Variants in STON2 observed in about 807,000 individuals in gnomAD.
The protein encoded by STON2 is stonin 2, also known as stonin-2.
In STON2, 29 loss-of-function variants were observed where a neutral mutation model predicts 65.7. The observed-to-expected ratio is 0.44, with a 90% CI of 0.33 to 0.60. The LOEUF (loss-of-function observed/expected upper bound fraction) is 0.60, where lower values mean the gene tolerates loss of function less well. Ranked by LOEUF, STON2 falls within the 20% of genes least tolerant of loss-of-function variation. STON2 has a pLI of 0.03. For synonymous variants in STON2, 404 were observed against 414.2 expected (o/e 0.98, Z 0.30); for missense variants, 1,054 against 1,118.1 (o/e 0.94, Z 0.82).
At chr14:81,423,731 G>A (rs375275549) in intron 2 of STON2, among the ~76,000 whole-genome samples, 1 of 152,152 alleles carries the variant, frequency 6.6e-6, no homozygotes, top group East Asian at 1.9e-4. Flanking sequence ...CAGCTGCACA[G>A]GGGCCCCTGG....
At chr14:81,356,084 C>A (rs1353740372) in intron 4 of STON2, among the ~76,000 whole-genome samples, 1 of 152,164 alleles carries the variant, frequency 6.6e-6, no homozygotes, top group Non-Finnish European at 1.5e-5. Flanking sequence ...CTGTCTTGTG[C>A]CAGTTTTCAA....
At chr14:81,413,017 G>C in intron 2 of STON2, 2 of 1,082,008 alleles carry the variant, frequency 1.8e-6, no homozygotes, top group Non-Finnish European at 2.7e-6. Flanking sequence ...TGTCGGAAGA[G>C]ACGCAGCAGA....
At position 81,266,704 on chromosome 14, in the gene STON2, T is replaced by C. The variant is rs919567856; in HGVS notation, c.*1710A>G. The C allele has an allele frequency of 6.1e-6, 6 of 985,254 alleles. No individual in the cohort carries two copies. Among genetic ancestry groups the C allele is most frequent in the Non-Finnish European group, 7.2e-6 (6 of 829,882 alleles). The allele number at this position is 985,254 out of a possible 1,614,324, so 61.0% of individuals were successfully genotyped here. On this transcript the variant is annotated 3_prime_UTR_variant, in exon 8 of 8. Coordinates refer to ENST00000614646, the MANE Select transcript of STON2 (RefSeq NM_001394390.1). The stretch of plus-strand genomic sequence containing the variant: ...ACTACATTAGCTTTGTGAATAGCCA[T>C]GATATATTTCTGATTCAACATTGAA...
At chr14:81,297,004 A>G (rs1015469136) in intron 5 of STON2, among the ~76,000 whole-genome samples, 4 of 152,210 alleles carry the variant, frequency 2.6e-5, no homozygotes, top group African/African-American at 9.6e-5. Context: ...GTTTTTCTTT[A>G]AAGTATTTAA....
At chr14:81,272,861 T>C (rs1439511899) in intron 6 of STON2, among the ~76,000 whole-genome samples, 1 of 152,224 alleles carries the variant, frequency 6.6e-6, no homozygotes, top group African/African-American at 2.4e-5. Context: ...TTAATAACCC[T>C]ATTTTATAGA....
At chr14:81,434,165 AG>A (rs1309997891) in intron 1 of STON2, among the ~76,000 whole-genome samples, 2 of 152,262 alleles carry the variant, frequency 1.3e-5, no homozygotes, top group Non-Finnish European at 2.9e-5. Context: ...ACAACTTCTA[AG>A]AAAAAATAAT....
chr14:81,280,707 G>A (rs550086832), intron 5 of STON2, among the ~76,000 whole-genome samples: 45 of 152,200 alleles, frequency 3.0e-4, no homozygotes, highest in African/African-American at 1.1e-3. Flanking sequence ...AAATGAAAAC[G>A]TAAGTTTGAA....
chr14:81,377,613 C>T (rs1431745051), intron 3 of STON2, among the ~76,000 whole-genome samples: 1 of 152,154 alleles, frequency 6.6e-6, no homozygotes, highest in Non-Finnish European at 1.5e-5. Context: ...GTGGTTGTAC[C>T]ATTTTATATT....
chr14:81,327,822 A>C (rs1290194952), intron 4 of STON2, among the ~76,000 whole-genome samples: 2 of 152,206 alleles, frequency 1.3e-5, no homozygotes, highest in Admixed American at 1.3e-4. Flanking sequence ...ATAATTACTC[A>C]GATTTCTGTA....
chr14:81,319,815 C>T (rs1896757667), intron 5 of STON2, among the ~76,000 whole-genome samples: 1 of 152,130 alleles, frequency 6.6e-6, no homozygotes, highest in African/African-American at 2.4e-5. Context: ...ATTGAGGACC[C>T]ACCACCCCCA....
At position 81,261,701 on chromosome 14, in the gene STON2, G is replaced by A. The variant is rs1894151761; in HGVS notation, c.*6713C>T. 8 of 1,287,218 alleles carry A rather than the reference G, an allele frequency of 6.2e-6. No homozygotes were observed. In the South Asian group the frequency reaches 1.2e-4, roughly 20 times the overall value. The allele number at this position is 1,287,218 out of a possible 1,614,324, so 79.7% of individuals were successfully genotyped here. On this transcript the variant is annotated 3_prime_UTR_variant, in exon 8 of 8. Coordinates refer to ENST00000614646, the MANE Select transcript of STON2 (RefSeq NM_001394390.1). The stretch of plus-strand genomic sequence containing the variant: ...GATTATCCTATCATCCCCAGTACTT[G>A]GAGGGTTAGACCTACTTCTGTGTCA...
chr14:81,279,800 T>C (rs1227600090), intron 5 of STON2, among the ~76,000 whole-genome samples: 1 of 152,192 alleles, frequency 6.6e-6, no homozygotes, highest in South Asian at 2.1e-4. Context: ...TTAGTGAAAC[T>C]AAGTTGCAAC....
rs570834766 is a variant in STON2 at position 81,409,844 on chromosome 14, A to G, written c.-198-11264T>C. On this transcript the variant is annotated intron_variant, in intron 2 of 8. Transcript: ENST00000553821. ...CATCATCCTGGTTTAAGCCAATCAC[A>G]ATAATTCCTATTCCTGCTTTCCTAT... 3.9e-5 allele frequency among the ~76,000 whole-genome samples: 6 copies of G among 152,364 alleles called. No individual in the cohort carries two copies. In the South Asian group the frequency reaches 1.2e-3, roughly 32 times the overall value.
chr14:81,417,480 T>C (rs1901493750), intron 2 of STON2, among the ~76,000 whole-genome samples: 1 of 152,160 alleles, frequency 6.6e-6, no homozygotes. Flanking sequence ...TGATAGGAAA[T>C]AACAATTAAG....
chr14:81,283,894 ACAG>A (rs775771627), intron 5 of STON2, among the ~76,000 whole-genome samples: 43 of 152,282 alleles, frequency 2.8e-4, no homozygotes, highest in Middle Eastern at 3.4e-3. Context: ...CATCTTTACA[ACAG>A]CACGTGCTCA....
At chr14:81,340,544 A>G (rs1897567823) in intron 4 of STON2, among the ~76,000 whole-genome samples, 1 of 152,126 alleles carries the variant, frequency 6.6e-6, no homozygotes. Context: ...ATGTCTTGTG[A>G]GTATTTGTGT....
chr14:81,382,570 G>A (rs1050390821), intron 3 of STON2, among the ~76,000 whole-genome samples: 7 of 152,180 alleles, frequency 4.6e-5, no homozygotes, highest in African/African-American at 1.7e-4. Context: ...ATGTGATGAG[G>A]GAGGAGGGTG....
chr14:81,269,519 T>G, intron 7 of STON2: 1 of 985,394 alleles, frequency 1.0e-6, no homozygotes. Flanking sequence ...TCAGCACCAC[T>G]CTGGATATTT....
rs1200057351 is a variant in STON2, at chr14:81,395,910, C to T, written c.357G>A (p.Gln119=). The T allele has an allele frequency of 6.2e-7, 1 of 1,614,094 alleles. No individual in the cohort carries two copies. Among genetic ancestry groups the T allele is most frequent in the Admixed American group, 1.7e-5 (1 of 60,022 alleles). Residue 119 remains glutamine (Q), a synonymous_variant, in exon 3 of 8, where the codon CAG becomes CAA. Coordinates refer to ENST00000614646, the MANE Select transcript of STON2 (RefSeq NM_001394390.1). ...TPWASTSPPH[Q]ETAETALPLT... The stretch of plus-strand genomic sequence containing the variant: ...CCTCCTCACCTGTCTCAGCTGTTTC[C>T]TGATGAGGTGGAGATGTGCTGGCCC...
Sources: gnomAD v4.1 joint callset for allele counts (sites outside exome capture counted in the v4.1 genomes callset) on GRCh38, gnomAD v4.1.1 for gene constraint, MANE v1.5 for transcripts, NCBI Gene and HGNC (gene_info 2026-07-23, HGNC 2026-07-21) for gene names.